BPTF: variants seen among roughly 807,000 people sequenced by gnomAD.
BPTF encodes nucleosome-remodeling factor subunit BPTF.
A neutral mutation model predicts 292.5 loss-of-function variants in BPTF; 18 were observed. The ratio of observed to expected loss-of-function variants is 0.06; its 90% CI spans 0.04 to 0.09. BPTF has a LOEUF of 0.09. Among genes scored for constraint, BPTF ranks in the 10% least tolerant of loss-of-function variants. The probability of loss-of-function intolerance (pLI) is 1.00; values close to 1 mark genes in which losing one functional copy is unlikely to be tolerated. For missense variants in BPTF, 2,726 were observed against 3,498.7 expected, an observed-to-expected ratio of 0.78 and a Z score of 5.57; for synonymous variants, 1,225 against 1,251.9, an observed-to-expected ratio of 0.98 and a Z score of 0.45.
At chr17:67,931,472 C>G (rs2064382250) in intron 17 of BPTF, among the ~76,000 whole-genome samples, 1 of 151,944 alleles carries the variant, frequency 6.6e-6, no homozygotes, top group Non-Finnish European at 1.5e-5. Context: ...GAGACCCTGT[C>G]TTTAAAATAA....
Position 67,982,429 on chromosome 17 carries a change from C to T in BPTF, c.*141C>T. On this transcript the variant is annotated 3_prime_UTR_variant, in exon 28 of 28. Transcript: ENST00000306378. Reference sequence around the variant, plus strand: ...TTCGTTTTTATTGGTCATAACAGTCCAATTATATTCTTGGCCAATTTTGTC... The same window carrying T: ...TTCGTTTTTATTGGTCATAACAGTCTAATTATATTCTTGGCCAATTTTGTC... The T allele has an allele frequency of 1.6e-6, 1 of 623,064 alleles. No individual in the cohort carries two copies. The highest frequency in any genetic ancestry group is 3.9e-5 in the Admixed American group (1 of 25,652). 38.6% of individuals were successfully genotyped at this position (623,064 alleles called of 1,614,324 possible).
Position 67,854,987 on chromosome 17 carries a change from C to T in BPTF, c.1436+225C>T, listed in dbSNP as rs539855426. Among the ~76,000 whole-genome samples the T allele has an allele frequency of 2.0e-4, 31 of 152,250 alleles. No homozygotes were observed. Among genetic ancestry groups the T allele is most frequent in the African/African-American group, 7.0e-4 (29 of 41,552 alleles). On this transcript the variant is annotated intron_variant, in intron 2 of 27. Transcript: ENST00000306378. The surrounding 1 kb of genome is among the most constrained non-coding windows in gnomAD (Gnocchi z 5.6). ...AGCAAAATTCCATTGTTTTTTGATG[C>T]CTAGGCTAGGAAATAGAATGTTTCT...
At position 67,893,685 on chromosome 17, in the gene BPTF, A is replaced by G; in HGVS notation, c.2371A>G (p.Ile791Val). The G allele has an allele frequency of 6.2e-7, 1 of 1,609,672 alleles. No individual in the cohort carries two copies. Residue 791 changes from isoleucine to valine, a missense_variant, in exon 6 of 28, where the codon ATC (isoleucine) becomes GTC (valine). Around this residue, in one of 22 missense-constraint regions of BPTF, gnomAD observed 99 missense variants for 227.1 expected, o/e 0.44. Coordinates refer to ENST00000306378, the MANE Select transcript of BPTF (RefSeq NM_182641.4). Reference protein sequence around the residue: ...RLTITQLENNIPSSFLHPNWA... With the variant: ...RLTITQLENNVPSSFLHPNWA... ...GACTATCACCCAATTAGAAAACAAC[A>G]TCCCTTCATCCTTTCTTCATCCCAA...
intron 2 of BPTF, among the ~76,000 whole-genome samples, chr17:67,861,170 G>A (rs956590784): frequency 4.6e-5 from 7 of 152,076 alleles, no homozygotes; most frequent in African/African-American, 1.7e-4. Context: ...CTAGAAATAT[G>A]AGAATAAACT....
intron 18 of BPTF, among the ~76,000 whole-genome samples, chr17:67,939,218 G>T (rs1021529379): frequency 6.6e-6 from 1 of 152,184 alleles, no homozygotes; most frequent in South Asian, 2.1e-4. Flanking sequence ...CAACAAAAAG[G>T]TGTGGGGGAA....
At chr17:67,837,589 T>C (rs1326875021) in intron 1 of BPTF, among the ~76,000 whole-genome samples, 1 of 152,138 alleles carries the variant, frequency 6.6e-6, no homozygotes, top group African/African-American at 2.4e-5. Context: ...TTTGTATTTT[T>C]AGTAGTGACG....
In BPTF at chr17:67,854,307, A is replaced by G; in HGVS notation, c.981A>G (p.Pro327=). 1 of 1,614,220 alleles carries G rather than the reference A, an allele frequency of 6.2e-7. No individual in the cohort carries two copies. Residue 327 remains proline, a synonymous_variant, in exon 2 of 28, where the codon CCA becomes CCG. Coordinates refer to ENST00000306378, the MANE Select transcript of BPTF (RefSeq NM_182641.4). This position sits in a 1 kb window ranked among gnomAD's most constrained non-coding sequence, Gnocchi z 5.6. ...TLYFIDGMTW[P]EVLRVYCESD... Reference sequence around the variant, plus strand: ...ATTTCATAGATGGGATGACGTGGCCAGAGGTGCTGCGGGTGTACTGTGAGA... The same window carrying G: ...ATTTCATAGATGGGATGACGTGGCCGGAGGTGCTGCGGGTGTACTGTGAGA...
chr17:67,947,689 A>G (rs1445589736), intron 21 of BPTF, 37 bp from the exon 22 acceptor site: 8 of 1,509,326 alleles, frequency 5.3e-6, no homozygotes, highest in African/African-American at 1.4e-5. Flanking sequence ...TGTGGTGATT[A>G]TAAAATATGC....
At chr17:67,840,947 C>T (rs2057507341) in intron 1 of BPTF, among the ~76,000 whole-genome samples, 1 of 152,178 alleles carries the variant, frequency 6.6e-6, no homozygotes, top group African/African-American at 2.4e-5. Flanking sequence ...CATATATTTT[C>T]TCCCTGTCAG....
At chr17:67,930,572 T>A (rs2147500246) in intron 17 of BPTF, among the ~76,000 whole-genome samples, 1 of 152,272 alleles carries the variant, frequency 6.6e-6, no homozygotes, top group South Asian at 2.1e-4. Flanking sequence ...GGAAAAAGGT[T>A]TAAAGTTTTA....
chr17:67,981,904 C>CACACA (rs1568245392), intron 27 of BPTF: 91 of 181,778 alleles, frequency 5.0e-4, no homozygotes, highest in Middle Eastern at 2.5e-3. Context: ...CACACACACA[C>CACACA]CTTTCACCAC....
chr17:67,919,701 A>T (rs1404789275), intron 12 of BPTF, among the ~76,000 whole-genome samples: 1 of 152,244 alleles, frequency 6.6e-6, no homozygotes, highest in Non-Finnish European at 1.5e-5. Context: ...TTAAAAATTT[A>T]AACTAAGACT....
Position 67,854,515 on chromosome 17 carries a change from C to T in BPTF, c.1189C>T (p.His397Tyr). 1 of 1,614,132 alleles carries T rather than the reference C, an allele frequency of 6.2e-7. No individual in the cohort carries two copies. The highest frequency in any genetic ancestry group is 8.5e-7 in the Non-Finnish European group (1 of 1,180,028). ...IQYDDHCRVCHKLGDLLCCET... is the reference protein window; with the variant it reads ...IQYDDHCRVCYKLGDLLCCET... ...GTATGATGACCATTGTAGGGTTTGT[C>T]ACAAACTTGGGGATTTGCTTTGCTG... The change falls in exon 2 of 28, where the codon CAC becomes TAC. Residue 397 changes from histidine to tyrosine, a missense_variant. Physicochemically the swap from His to Tyr is moderately conservative, Grantham distance 83. Transcript: ENST00000306378. The surrounding 1 kb of genome is among the most constrained non-coding windows in gnomAD (Gnocchi z 5.6).
chr17:67,835,663 AT>A (rs142633440), intron 1 of BPTF, among the ~76,000 whole-genome samples: 352 of 141,224 alleles, frequency 2.5e-3, no homozygotes, highest in Middle Eastern at 7.5e-3. Flanking sequence ...AGTCCTGGTA[AT>A]TTTTTTTTTT....
intron 3 of BPTF, among the ~76,000 whole-genome samples, chr17:67,869,937 G>A (rs1388363958): frequency 1.4e-5 from 2 of 146,456 alleles, no homozygotes; most frequent in Non-Finnish European, 3.0e-5. Context: ...GGGAGGCAGA[G>A]CTTGCAGTGA....
chr17:67,842,202 A>G (rs937436810), intron 1 of BPTF, among the ~76,000 whole-genome samples: 19 of 152,136 alleles, frequency 1.2e-4, no homozygotes, highest in African/African-American at 4.6e-4. Flanking sequence ...ATCTATATGC[A>G]TACATTGTAT....
At position 67,931,898 on chromosome 17, in the gene BPTF, G is replaced by T; in HGVS notation, c.6151-13G>T. ...AAAGCATTTTAATTCATTGTTCTTT[G>T]TGTCATTTATAGGTAATCACAGGGC... is the stretch of plus-strand genomic sequence containing the variant. On this transcript the variant is annotated splice_polypyrimidine_tract_variant and intron_variant, in intron 17 of 27. Transcript: ENST00000306378. The T allele has an allele frequency of 6.3e-7, 1 of 1,586,968 alleles. No homozygotes were observed. The highest frequency in any genetic ancestry group is 8.6e-7 in the Non-Finnish European group (1 of 1,159,122).
rs191746120 is a variant in BPTF at position 67,832,610 on chromosome 17, G to T, written c.613+6273G>T. Among the ~76,000 whole-genome samples the T allele has an allele frequency of 4.5e-3, 682 of 151,822 alleles. 3 individuals carry two copies. Among genetic ancestry groups the T allele is most frequent in the African/African-American group, 0.016 (648 of 41,350 alleles). On this transcript the variant is annotated intron_variant, in intron 1 of 27. Transcript: ENST00000306378. ...CCCTTGTAAAGTATATAATTTAGTG[G>T]TTTTTTTAGTATATTGACAGAGTTG...
chr17:67,835,753 C>T (rs2057080178), intron 1 of BPTF, among the ~76,000 whole-genome samples: 1 of 151,486 alleles, frequency 6.6e-6, no homozygotes, highest in African/African-American at 2.4e-5. Context: ...GTGAGCTCTG[C>T]CTCCCGGGTT....
Sources: allele counts gnomAD v4.1 joint callset (sites outside exome capture counted in the v4.1 genomes callset), GRCh38; gene constraint gnomAD v4.1.1; regional missense constraint gnomAD v4.1.1; non-coding constraint Gnocchi (gnomAD v3.1); transcripts MANE v1.5; gene names NCBI Gene and HGNC (gene_info 2026-07-23, HGNC 2026-07-21).